PLSCR2: variants seen among roughly 807,000 people sequenced by gnomAD.
PLSCR2 encodes PL scramblase 2.
Under a neutral mutation model 25.3 loss-of-function variants are expected in PLSCR2, and 18 were observed. That is an observed-to-expected ratio of 0.71 (90% confidence interval 0.49 to 1.06). The LOEUF is 1.06. Among genes scored for constraint, PLSCR2 ranks in the 50% least tolerant of loss-of-function variants. The pLI is 0.00. For synonymous variants in PLSCR2, 88 were observed against 87.3 expected, an observed-to-expected ratio of 1.01 and a Z score of -0.04; for missense variants, 243 against 269.5, an observed-to-expected ratio of 0.90 and a Z score of 0.69.
At chr3:146,484,985 A>G (rs535126829) in intron 1 of PLSCR2, among the ~76,000 whole-genome samples, 5 of 152,140 alleles carry the variant, frequency 3.3e-5, no homozygotes, top group Non-Finnish European at 7.4e-5. Flanking sequence ...TAAAAGACAC[A>G]GACTGGCAAA....
At chr3:146,445,374 T>C (rs1250551915) in intron 6 of PLSCR2, among the ~76,000 whole-genome samples, 1 of 152,194 alleles carries the variant, frequency 6.6e-6, no homozygotes, top group African/African-American at 2.4e-5. Flanking sequence ...TCAGCTTTTG[T>C]TTGCCTGGAA....
chr3:146,493,211 G>A, intron 1 of PLSCR2, among the ~76,000 whole-genome samples: 1 of 152,024 alleles, frequency 6.6e-6, no homozygotes, highest in Admixed American at 6.6e-5. Context: ...ATTTCTACAA[G>A]ATATACAAAT....
chr3:146,480,374 A>C (rs1231296384), intron 1 of PLSCR2, among the ~76,000 whole-genome samples: 1 of 152,218 alleles, frequency 6.6e-6, no homozygotes, highest in Non-Finnish European at 1.5e-5. Context: ...AGAAGAATCA[A>C]ACAGACGCAA....
rs764367160 is a variant in PLSCR2, at chr3:146,453,994, T to C, written c.483+8A>G. 1.9e-6 allele frequency: 3 copies of C among 1,561,328 alleles called. No individual in the cohort carries two copies. In the African/African-American group the frequency reaches 4.2e-5, roughly 22 times the overall value. ...AGCAAATCCTATAAACATTATGACA[T>C]CTCTTACCTCAAAATCAACACCCGC... On this transcript the variant is annotated splice_region_variant and intron_variant, in intron 5 of 6. Transcript: ENST00000610787.
downstream of PLSCR2, among the ~76,000 whole-genome samples, chr3:146,440,772 T>A (rs188083186): frequency 7.3e-3 from 1,117 of 152,160 alleles, 14 homozygotes; most frequent in African/African-American, 0.026. Context: ...GTTATCCAGT[T>A]TTTTTTATAA....
At chr3:146,448,424 C>T (rs2040692335) in intron 6 of PLSCR2, among the ~76,000 whole-genome samples, 1 of 152,164 alleles carries the variant, frequency 6.6e-6, no homozygotes, top group Non-Finnish European at 1.5e-5. Context: ...ACCTTGATTG[C>T]ATATTGGAAT....
At chr3:146,480,160 C>A (rs1023969030) in intron 1 of PLSCR2, among the ~76,000 whole-genome samples, 2 of 152,132 alleles carry the variant, frequency 1.3e-5, no homozygotes, top group Non-Finnish European at 2.9e-5. Context: ...AACACGCTAA[C>A]ATCACAATTA....
intron 3 of PLSCR2, among the ~76,000 whole-genome samples, chr3:146,458,086 C>T (rs2041324899): frequency 6.6e-6 from 1 of 152,118 alleles, no homozygotes; most frequent in Admixed American, 6.6e-5. Context: ...TTACATTGTA[C>T]TGCTTAGGAA....
chr3:146,439,211 T>G (rs1026019809), downstream of PLSCR2, among the ~76,000 whole-genome samples: 2 of 152,324 alleles, frequency 1.3e-5, no homozygotes, highest in African/African-American at 4.8e-5. Context: ...CTTAACATTT[T>G]TTCCTTCATT....
At chr3:146,480,168 T>C (rs1260572728) in intron 1 of PLSCR2, among the ~76,000 whole-genome samples, 2 of 151,796 alleles carry the variant, frequency 1.3e-5, no homozygotes, top group Admixed American at 6.6e-5. Context: ...AACATCACAA[T>C]TAAAAGAACT....
At chr3:146,495,133 A>G (rs1387348280) in intron 1 of PLSCR2, 2 of 152,208 alleles carry the variant, frequency 1.3e-5, no homozygotes, top group Non-Finnish European at 2.9e-5. Flanking sequence ...AGGGTCAGAC[A>G]TATTTCATAT....
chr3:146,435,703 T>C (rs920901074), intron 8 of PLSCR2, among the ~76,000 whole-genome samples: 11 of 152,214 alleles, frequency 7.2e-5, no homozygotes, highest in Admixed American at 6.5e-4. Context: ...TTGTAAAAAT[T>C]TTCTCCCATT....
rs150506281 is a variant in PLSCR2, at chr3:146,469,924, A to C, written c.-292-9640T>G. Among the ~76,000 whole-genome samples, 845 of 152,124 alleles carry C rather than the reference A, an allele frequency of 5.6e-3. 2 individuals carry two copies. The highest frequency in any genetic ancestry group is 0.021 in the South Asian group (100 of 4,802). The stretch of plus-strand genomic sequence containing the variant: ...AGGGCACAGATGAACTGGGACGTCG[A>C]CACCAGCTGGAACTGGAAAATCATC... On this transcript the variant is annotated intron_variant, in intron 1 of 8. Coordinates refer to the PLSCR2 transcript ENST00000336685.
intron 3 of PLSCR2, among the ~76,000 whole-genome samples, chr3:146,456,947 G>A (rs146744089): frequency 1.3e-5 from 2 of 151,886 alleles, no homozygotes; most frequent in African/African-American, 4.8e-5. Context: ...ATAATGTATA[G>A]TGTCTGGCCT....
chr3:146,448,656 T>C (rs1177957917), intron 6 of PLSCR2, among the ~76,000 whole-genome samples: 1 of 152,174 alleles, frequency 6.6e-6, no homozygotes, highest in African/African-American at 2.4e-5. Context: ...TCTTGTTTAG[T>C]TGAAGTGGGG....
intron 1 of PLSCR2, among the ~76,000 whole-genome samples, chr3:146,476,963 G>T (rs577675616): frequency 6.6e-6 from 1 of 152,326 alleles, no homozygotes. Flanking sequence ...CCAGATGAGT[G>T]GGATTCCCCT....
At chr3:146,449,252 A>G (rs771405193) in exon 6 of PLSCR2, 7 of 1,613,218 alleles carry the variant, frequency 4.3e-6, no homozygotes, top group Non-Finnish European at 5.9e-6. Flanking sequence ...TTTAACATCA[A>G]GGTCTCTAGG....
At chr3:146,485,178 C>A (rs2043297007) in intron 1 of PLSCR2, among the ~76,000 whole-genome samples, 1 of 150,060 alleles carries the variant, frequency 6.7e-6, no homozygotes, top group African/African-American at 2.4e-5. Context: ...GACTTTAAAC[C>A]AACAAAGATC....
chr3:146,474,634 T>G (rs2042225276), intron 1 of PLSCR2, among the ~76,000 whole-genome samples: 1 of 152,060 alleles, frequency 6.6e-6, no homozygotes, highest in African/African-American at 2.4e-5. Flanking sequence ...TCTCGTGGAG[T>G]ATCTTAATGG....
Sources: allele counts gnomAD v4.1 joint callset (sites outside exome capture counted in the v4.1 genomes callset), GRCh38; gene constraint gnomAD v4.1.1; transcripts MANE v1.5; gene names NCBI Gene and HGNC (gene_info 2026-07-23, HGNC 2026-07-21).